ABHD3: variants seen among roughly 807,000 people sequenced by gnomAD.
ABHD3 encodes the protein phospholipase ABHD3.
ABHD3 carries 46 observed loss-of-function variants against 48.8 expected under a neutral mutation model. That is an observed-to-expected ratio of 0.94 (90% CI 0.74 to 1.20). ABHD3 has a LOEUF of 1.20. ABHD3 is among the 50% of genes most tolerant of loss of function. The pLI, the probability that ABHD3 is intolerant of heterozygous loss-of-function variation, is 0.00. For synonymous variants in ABHD3, 192 were observed against 183.7 expected (o/e 1.04, Z -0.36); for missense variants, 490 against 497.8 (o/e 0.98, Z 0.15).
rs1568169103 is a variant in ABHD3, at chr18:21,703,735, C to G, written c.175G>C (p.Val59Leu). The G allele has an allele frequency of 1.9e-6, 3 of 1,613,588 alleles. No homozygotes were observed. The highest frequency in any genetic ancestry group is 2.5e-6 in the Non-Finnish European group (3 of 1,179,780). ...CGGCTGAAACTCTCACCCCCGGTCA[C>G]TAACTGGGGTTTCTGAAGGGAAAAG... ...LSSIAKKPQL[V>L]TGGESFSRFL... The change falls in exon 2 of 9, where the codon GTG becomes CTG. Residue 59 changes from valine (V) to leucine (L), a missense_variant. Transcript: ENST00000289119.
At chr18:21,669,546 A>AC (rs375165211) in intron 4 of ABHD3, among the ~76,000 whole-genome samples, 2 of 151,814 alleles carry the variant, frequency 1.3e-5, no homozygotes, top group Admixed American at 1.3e-4. Flanking sequence ...CTGAACCTAA[A>AC]CCTCCACTGT....
At chr18:21,700,697 G>T (rs1338517432) in intron 3 of ABHD3, among the ~76,000 whole-genome samples, 1 of 151,980 alleles carries the variant, frequency 6.6e-6, no homozygotes, top group Admixed American at 6.6e-5. Flanking sequence ...ACTGCACCTG[G>T]CCCACGTTGT....
intron 6 of ABHD3, among the ~76,000 whole-genome samples, chr18:21,657,596 C>G (rs1250794802): frequency 6.6e-6 from 1 of 151,962 alleles, no homozygotes; most frequent in Non-Finnish European, 1.5e-5. Flanking sequence ...GTGATCCACC[C>G]TCCTCGGCCT....
At chr18:21,665,446 C>T (rs2146292501) in intron 4 of ABHD3, among the ~76,000 whole-genome samples, 1 of 152,096 alleles carries the variant, frequency 6.6e-6, no homozygotes, top group Non-Finnish European at 1.5e-5. Flanking sequence ...TGCTATGCTG[C>T]CCAGGCTGGT....
intron 3 of ABHD3, among the ~76,000 whole-genome samples, chr18:21,689,624 G>A (rs2040203123): frequency 1.3e-5 from 2 of 148,780 alleles, no homozygotes; most frequent in South Asian, 2.1e-4. Context: ...ACAGTTTGGG[G>A]CAACAATAGA....
At chr18:21,693,995 C>G (rs1446632352) in intron 3 of ABHD3, among the ~76,000 whole-genome samples, 4 of 152,158 alleles carry the variant, frequency 2.6e-5, no homozygotes, top group African/African-American at 4.8e-5. Context: ...ACCAAGGCAC[C>G]TCTAATGCTG....
At chr18:21,691,271 A>C (rs902601742) in intron 3 of ABHD3, among the ~76,000 whole-genome samples, 2 of 152,224 alleles carry the variant, frequency 1.3e-5, no homozygotes, top group African/African-American at 4.8e-5. Flanking sequence ...GCTTCCGTAT[A>C]CATGAAGCAA....
chr18:21,655,284 GTT>G (rs1296017863), intron 8 of ABHD3, among the ~76,000 whole-genome samples: 15 of 127,692 alleles, frequency 1.2e-4, no homozygotes, highest in African/African-American at 3.5e-4. Context: ...GAGAGAAAAA[GTT>G]TTTTTTTTTT....
chr18:21,664,488 C>A, intron 4 of ABHD3: 4 of 358,684 alleles, frequency 1.1e-5, no homozygotes, highest in South Asian at 1.1e-4. Flanking sequence ...GGGGCAAGAC[C>A]AATACAAATA....
intron 5 of ABHD3, chr18:21,663,745 G>T: frequency 3.3e-6 from 5 of 1,535,540 alleles, no homozygotes; most frequent in Non-Finnish European, 4.4e-6. Context: ...TCTGTAACTG[G>T]AGTGATGAAA....
intron 4 of ABHD3, among the ~76,000 whole-genome samples, chr18:21,677,307 G>A (rs2039905501): frequency 6.6e-6 from 1 of 151,522 alleles, no homozygotes; most frequent in Non-Finnish European, 1.5e-5. Context: ...CCATTCTCCT[G>A]CCTCAACCTC....
intron 4 of ABHD3, among the ~76,000 whole-genome samples, chr18:21,671,262 A>C (rs1230988209): frequency 6.6e-6 from 1 of 152,256 alleles, no homozygotes; most frequent in East Asian, 1.9e-4. Flanking sequence ...ATGCAGTTCT[A>C]TCGCACAGCC....
intron 4 of ABHD3, among the ~76,000 whole-genome samples, chr18:21,677,707 C>T (rs992713826): frequency 2.6e-5 from 4 of 151,608 alleles, no homozygotes; most frequent in Admixed American, 6.6e-5. Context: ...ATTTTTGAGA[C>T]GGAGTCTTGC....
chr18:21,697,387 T>A (rs1007528924), intron 3 of ABHD3, among the ~76,000 whole-genome samples: 1 of 151,570 alleles, frequency 6.6e-6, no homozygotes, highest in Non-Finnish European at 1.5e-5. Flanking sequence ...TATCCTTTTT[T>A]TAAAAAAACT....
intron 4 of ABHD3, among the ~76,000 whole-genome samples, chr18:21,675,502 C>T (rs1374717532): frequency 2.0e-5 from 3 of 151,842 alleles, no homozygotes; most frequent in African/African-American, 4.8e-5. Context: ...CTCCTGACCT[C>T]GTGATCCACC....
intron 3 of ABHD3, among the ~76,000 whole-genome samples, chr18:21,689,664 G>A (rs2040204037): frequency 6.8e-6 from 1 of 147,578 alleles, no homozygotes; most frequent in African/African-American, 2.5e-5. Context: ...AAAAATCTTA[G>A]AATGGATACA....
In ABHD3 at chr18:21,686,657, A is replaced by C. The variant is rs182143289; in HGVS notation, c.510-2692T>G. 6.4e-4 allele frequency among the ~76,000 whole-genome samples: 97 copies of C among 152,350 alleles called. No homozygotes were observed. The Middle Eastern group carries it at 0.014, about 21-fold the overall frequency. On this transcript the variant is annotated intron_variant, in intron 3 of 8. Transcript: ENST00000289119. The stretch of plus-strand genomic sequence containing the variant: ...TAAGGCTTTGATCCTAACAGTGTTC[A>C]ATCAGTAGCAGTCATCATTGTATAC...
chr18:21,703,775 G>A (rs375881923), intron 1 of ABHD3, 28 bp from the exon 2 acceptor site: 1 of 1,597,580 alleles, frequency 6.3e-7, no homozygotes, highest in Non-Finnish European at 8.6e-7. Flanking sequence ...ATCAGAGAAG[G>A]GCCCAGAGCA....
At chr18:21,669,014 G>C (rs770801680) in intron 4 of ABHD3, among the ~76,000 whole-genome samples, 23 of 152,154 alleles carry the variant, frequency 1.5e-4, no homozygotes, top group Middle Eastern at 3.4e-3. Context: ...CTTGAGCCCA[G>C]CAGTTGAGAG....
Sources: gnomAD v4.1 joint callset for allele counts (sites outside exome capture counted in the v4.1 genomes callset) on GRCh38, gnomAD v4.1.1 for gene constraint, MANE v1.5 for transcripts, NCBI Gene and HGNC (gene_info 2026-07-23, HGNC 2026-07-21) for gene names.